The following C5orf58 variants were observed in gnomAD, a reference collection of about 807,000 sequenced individuals.
The protein encoded by C5orf58 is putative uncharacterized protein C5orf58.
Under a neutral mutation model 2.9 loss-of-function variants are expected in C5orf58, and 2 were observed. That is an observed-to-expected ratio of 0.69 (90% CI 0.28 to 2.18). C5orf58 has a LOEUF of 2.18. C5orf58 is among the 30% of genes most tolerant of loss of function. The probability of loss-of-function intolerance (pLI) is 0.13; values close to 1 mark genes in which losing one functional copy is unlikely to be tolerated. For synonymous variants in C5orf58, 37 were observed against 33.4 expected (o/e 1.11, Z -0.37); for missense variants, 96 against 91.7 (o/e 1.05, Z -0.19).
At chr5:170,237,644 CCAGG>C (rs1322084039) in intron 3 of C5orf58, among the ~76,000 whole-genome samples, 1 of 152,042 alleles carries the variant, frequency 6.6e-6, no homozygotes, top group African/African-American at 2.4e-5. Context: ...CATGGTGGCA[CCAGG>C]ATCTTCTGGA....
At chr5:170,251,499 ATAT>A (rs1761441950) in intron 2 of C5orf58, 1 of 309,254 alleles carries the variant, frequency 3.2e-6, no homozygotes, top group Non-Finnish European at 6.7e-6. Context: ...TTGCTACATA[ATAT>A]TAATACTGTA....
chr5:170,245,504 G>C (rs1761232194), intron 3 of C5orf58, among the ~76,000 whole-genome samples: 1 of 152,246 alleles, frequency 6.6e-6, no homozygotes, highest in Non-Finnish European at 1.5e-5. Context: ...GGTCTGAAAA[G>C]CGCAATATTC....
At chr5:170,248,092 A>G (rs1397994365), downstream of C5orf58, 1 of 152,384 alleles carries the variant, frequency 6.6e-6, no homozygotes, top group Admixed American at 6.5e-5. Flanking sequence ...AGTAAAGCAA[A>G]AGACTATTTT....
intron 1 of C5orf58, 117 bp from the exon 2 acceptor site, chr5:170,233,998 C>T: frequency 2.2e-6 from 1 of 450,910 alleles, no homozygotes; most frequent in South Asian, 1.9e-5. Context: ...CTTTCTTTTT[C>T]CCTGCAACTT....
intron 3 of C5orf58, among the ~76,000 whole-genome samples, chr5:170,238,890 A>G (rs533284036): frequency 2.6e-5 from 4 of 152,216 alleles, no homozygotes; most frequent in Non-Finnish European, 5.9e-5. Flanking sequence ...TACTGAGCCT[A>G]TATGTCACCA....
At chr5:170,233,939 T>G (rs1760630839) in intron 1 of C5orf58, 176 bp from the exon 2 acceptor site, 1 of 369,950 alleles carries the variant, frequency 2.7e-6, no homozygotes, top group Non-Finnish European at 5.3e-6. Flanking sequence ...TTTTGCCTTG[T>G]TTTTGAAGTT....
intron 3 of C5orf58, among the ~76,000 whole-genome samples, chr5:170,237,055 C>A (rs1053151208): frequency 1.3e-5 from 2 of 152,138 alleles, no homozygotes; most frequent in Non-Finnish European, 2.9e-5. Context: ...AGATTCCCCC[C>A]AAACTTGATT....
chr5:170,249,251 G>C (rs1561964268), downstream of C5orf58, among the ~76,000 whole-genome samples: 1 of 151,796 alleles, frequency 6.6e-6, no homozygotes, highest in East Asian at 1.9e-4. Context: ...CTTGAACCTG[G>C]GAGGCAGAGG....
chr5:170,237,220 G>T (rs950330417), intron 3 of C5orf58: 36 of 398,188 alleles, frequency 9.0e-5, no homozygotes, highest in Non-Finnish European at 1.3e-5. Flanking sequence ...TCTGGTAAAT[G>T]TAGAGGATTA....
intron 3 of C5orf58, among the ~76,000 whole-genome samples, chr5:170,236,347 T>C (rs1487723203): frequency 6.6e-6 from 1 of 152,200 alleles, no homozygotes; most frequent in Non-Finnish European, 1.5e-5. Flanking sequence ...GCAATGTTAA[T>C]AGATGGTGTA....
chr5:170,250,681 G>A (rs375055346), downstream of C5orf58: 31 of 1,467,356 alleles, frequency 2.1e-5, no homozygotes, highest in African/African-American at 4.2e-4. Context: ...GGCATGCAGA[G>A]TGGCATAAAT....
intron 3 of C5orf58, among the ~76,000 whole-genome samples, chr5:170,244,240 T>C (rs867135748): frequency 0.016 from 2,301 of 146,150 alleles, 21 homozygotes; most frequent in Middle Eastern, 0.051. Context: ...CTTTGGTGAA[T>C]CTGACAATTA....
At chr5:170,248,803 G>T, downstream of C5orf58, 2 of 1,612,362 alleles carry the variant, frequency 1.2e-6, no homozygotes, top group South Asian at 1.1e-5. Flanking sequence ...AATAATATCT[G>T]ACACAGACAG....
At chr5:170,237,542 A>ATTT (rs1156552815) in intron 3 of C5orf58, among the ~76,000 whole-genome samples, 1 of 152,194 alleles carries the variant, frequency 6.6e-6, no homozygotes, top group East Asian at 1.9e-4. Context: ...AGGCAAATGG[A>ATTT]GAAGCAAATA....
At chr5:170,245,038 C>T (rs1396991766) in intron 3 of C5orf58, among the ~76,000 whole-genome samples, 1 of 150,904 alleles carries the variant, frequency 6.6e-6, no homozygotes, top group African/African-American at 2.4e-5. Flanking sequence ...AATACCCTGC[C>T]GTGTGAGGTG....
Position 170,246,164 on chromosome 5 carries a change from G to A in C5orf58, c.*51G>A. ...TTTATTGTTGAACTAACAAATATTTGGGAGAGTTGAGTTTACTAATTTGTA... is the reference window on the plus strand; with the variant it reads ...TTTATTGTTGAACTAACAAATATTTAGGAGAGTTGAGTTTACTAATTTGTA... On this transcript the variant is annotated 3_prime_UTR_variant, in exon 4 of 4. Coordinates refer to ENST00000593851, the MANE Select transcript of C5orf58 (RefSeq NM_001102609.3). 1 of 1,475,386 alleles carries A rather than the reference G, an allele frequency of 6.8e-7. No homozygotes were observed. Among genetic ancestry groups the A allele is most frequent in the Non-Finnish European group, 9.3e-7 (1 of 1,078,712 alleles). The allele number at this position is 1,475,386 out of a possible 1,614,324, so 91.4% of individuals were successfully genotyped here. A position where few individuals can be genotyped will look rare whatever the true frequency, so the allele number is the denominator to read the frequency against.
At chr5:170,248,800 T>C (rs753370973), downstream of C5orf58, 2 of 1,612,440 alleles carry the variant, frequency 1.2e-6, no homozygotes, top group Admixed American at 1.7e-5. Flanking sequence ...GTCAATAATA[T>C]CTGACACAGA....
chr5:170,234,882 A>G (rs1023747115), intron 2 of C5orf58, 95 bp from the exon 3 acceptor site: 87 of 554,114 alleles, frequency 1.6e-4, no homozygotes, highest in Middle Eastern at 4.8e-4. Flanking sequence ...TATTTCTGAA[A>G]TAACAGATTT....
At chr5:170,236,610 C>T (rs1298384247) in intron 3 of C5orf58, among the ~76,000 whole-genome samples, 1 of 152,182 alleles carries the variant, frequency 6.6e-6, no homozygotes, top group Non-Finnish European at 1.5e-5. Context: ...CTGCTCAGAT[C>T]ATTCCCCTCC....
Sources: allele counts gnomAD v4.1 joint callset (sites outside exome capture counted in the v4.1 genomes callset), GRCh38; gene constraint gnomAD v4.1.1; transcripts MANE v1.5; gene names NCBI Gene and HGNC (gene_info 2026-07-23, HGNC 2026-07-21).